Variants in PAPSS1 observed in about 807,000 individuals in gnomAD.
The protein encoded by PAPSS1 is bifunctional 3'-phosphoadenosine 5'-phosphosulfate synthase 1.
In PAPSS1, 50 loss-of-function variants were observed where a neutral mutation model predicts 72.0. The ratio of observed to expected loss-of-function variants is 0.69; its 90% CI spans 0.55 to 0.88. The LOEUF (loss-of-function observed/expected upper bound fraction) is 0.88, where lower values mean the gene tolerates loss of function less well. Ranked by LOEUF, PAPSS1 falls within the 40% of genes least tolerant of loss-of-function variation. PAPSS1 has a pLI of 0.00. For synonymous variants in PAPSS1, 261 were observed against 263.6 expected (o/e 0.99, Z 0.09); for missense variants, 657 against 782.2 (o/e 0.84, Z 1.91).
At chr4:107,647,117 G>A (rs1460740641) in intron 9 of PAPSS1, among the ~76,000 whole-genome samples, 2 of 152,246 alleles carry the variant, frequency 1.3e-5, no homozygotes, top group African/African-American at 4.8e-5. Flanking sequence ...TGAGGGAGTA[G>A]TAAAACTGGC....
rs151169032 is a variant in PAPSS1 at position 107,702,379 on chromosome 4, C to T, written c.61-1094G>A. 5.8e-4 allele frequency among the ~76,000 whole-genome samples: 88 copies of T among 152,308 alleles called. No individual in the cohort carries two copies. In the South Asian group the frequency reaches 8.3e-3, roughly 14 times the overall value. Reference sequence around the variant, plus strand: ...TAAAACTTGTACATACATATGTCCACAGCAGCATTTTCAGAAATACATTGT... The same window carrying T: ...TAAAACTTGTACATACATATGTCCATAGCAGCATTTTCAGAAATACATTGT... On this transcript the variant is annotated intron_variant, in intron 1 of 11. Coordinates refer to ENST00000265174, the MANE Select transcript of PAPSS1 (RefSeq NM_005443.5).
At chr4:107,672,906 T>C (rs935953624) in intron 5 of PAPSS1, among the ~76,000 whole-genome samples, 1 of 152,142 alleles carries the variant, frequency 6.6e-6, no homozygotes, top group Non-Finnish European at 1.5e-5. Flanking sequence ...TGCTCACCAA[T>C]ATCCGCTGTT....
Position 107,614,284 on chromosome 4 carries a change from G to T in PAPSS1, c.1840C>A (p.Leu614Met). The part of the protein sequence containing the change: ...GFMAPKAWTV[L>M]TEYYKSLEKA ...TCCAAGGATTTGTAGTATTCTGTCA[G>T]CACGGTCCAAGCCTTGGGAGCCATG... Residue 614 changes from leucine to methionine, a missense_variant, in exon 12 of 12, where the codon CTG becomes ATG. Around this residue, in one of 7 missense-constraint regions of PAPSS1, gnomAD observed 103 missense variants for 93.8 expected, o/e 1.10. Transcript: ENST00000265174. The T allele has an allele frequency of 6.2e-7, 1 of 1,613,928 alleles. No individual in the cohort carries two copies. Among genetic ancestry groups the T allele is most frequent in the Non-Finnish European group, 8.5e-7 (1 of 1,179,862 alleles).
chr4:107,632,523 G>A (rs1466846370), intron 10 of PAPSS1, among the ~76,000 whole-genome samples: 1 of 144,054 alleles, frequency 6.9e-6, no homozygotes, highest in Non-Finnish European at 1.5e-5. Context: ...AAAAAAAAAA[G>A]ATTGGTTGTG....
At chr4:107,647,214 T>C (rs1726719145) in intron 9 of PAPSS1, among the ~76,000 whole-genome samples, 1 of 152,154 alleles carries the variant, frequency 6.6e-6, no homozygotes, top group South Asian at 2.1e-4. Flanking sequence ...AGGAATATAG[T>C]TCCTTCAACT....
intron 1 of PAPSS1, among the ~76,000 whole-genome samples, chr4:107,707,157 A>G (rs1187795166): frequency 6.6e-6 from 1 of 152,138 alleles, no homozygotes; most frequent in Admixed American, 6.5e-5. Flanking sequence ...GTGGGGCTAC[A>G]GGGAATGGCC....
intron 10 of PAPSS1, 26 bp from the exon 11 acceptor site, chr4:107,631,886 A>G: frequency 2.6e-6 from 4 of 1,526,378 alleles, no homozygotes; most frequent in Non-Finnish European, 2.7e-6. Flanking sequence ...CATTTTAGGT[A>G]ACTTTGCTTT....
intron 1 of PAPSS1, among the ~76,000 whole-genome samples, chr4:107,713,762 A>G (rs942790328): frequency 1.7e-5 from 1 of 58,648 alleles, no homozygotes; most frequent in South Asian, 1.5e-3. Flanking sequence ...GTCTCAAACA[A>G]AAAAAAAAAA....
intron 10 of PAPSS1, among the ~76,000 whole-genome samples, chr4:107,634,890 T>C (rs895949693): frequency 3.5e-4 from 52 of 147,722 alleles, no homozygotes; most frequent in African/African-American, 7.7e-4. Flanking sequence ...CTCCGCCTCC[T>C]GGGTTCACAC....
chr4:107,672,254 G>A (rs1286042512), intron 5 of PAPSS1, among the ~76,000 whole-genome samples: 17 of 152,176 alleles, frequency 1.1e-4, no homozygotes, highest in Admixed American at 1.1e-3. Flanking sequence ...AGCATGAGAT[G>A]AAGCAGGGCG....
intron 5 of PAPSS1, among the ~76,000 whole-genome samples, chr4:107,675,359 C>A (rs2867455): frequency 0.85 from 128,909 of 152,112 alleles, 56,007 homozygotes; most frequent in South Asian, 0.97. Context: ...GGATATCACC[C>A]CCGATCCCAC....
At chr4:107,688,808 A>T (rs1320032086) in intron 3 of PAPSS1, among the ~76,000 whole-genome samples, 3 of 152,194 alleles carry the variant, frequency 2.0e-5, no homozygotes, top group African/African-American at 4.8e-5. Context: ...ACACATGTCC[A>T]AATTCTTCCT....
intron 3 of PAPSS1, among the ~76,000 whole-genome samples, chr4:107,689,084 G>C (rs1454246110): frequency 6.6e-6 from 1 of 152,136 alleles, no homozygotes; most frequent in East Asian, 1.9e-4. Context: ...TCTCTTGTCT[G>C]AACGGCCTCA....
At chr4:107,639,957 A>G (rs2110308299) in intron 10 of PAPSS1, among the ~76,000 whole-genome samples, 1 of 152,328 alleles carries the variant, frequency 6.6e-6, no homozygotes, top group Admixed American at 6.5e-5. Context: ...GTGCATGGGT[A>G]ATTTTCATAG....
intron 5 of PAPSS1, among the ~76,000 whole-genome samples, chr4:107,680,913 C>A (rs1727788479): frequency 6.6e-6 from 1 of 152,026 alleles, no homozygotes; most frequent in South Asian, 2.1e-4. Flanking sequence ...AACATCAGAG[C>A]AGTATCGATT....
chr4:107,666,044 T>C (rs973071040), intron 5 of PAPSS1, among the ~76,000 whole-genome samples: 4 of 152,198 alleles, frequency 2.6e-5, no homozygotes, highest in African/African-American at 7.2e-5. Flanking sequence ...ATGTAACTAT[T>C]AAATTTCTGT....
At chr4:107,644,453 G>A (rs11934943) in intron 10 of PAPSS1, among the ~76,000 whole-genome samples, 27,899 of 152,088 alleles carry the variant, frequency 0.18, 2,983 homozygotes, top group East Asian at 0.37. Context: ...CTCTGGTAAC[G>A]GGACAAGATC....
chr4:107,641,073 G>C (rs1191912672), intron 10 of PAPSS1, among the ~76,000 whole-genome samples: 2 of 152,216 alleles, frequency 1.3e-5, no homozygotes, highest in Admixed American at 6.5e-5. Context: ...CTCCTAGACA[G>C]AACACTAACT....
In PAPSS1 at chr4:107,616,469, T is replaced by A. The variant is rs542247831; in HGVS notation, c.1737-2082A>T. Among the ~76,000 whole-genome samples the A allele has an allele frequency of 7.9e-5, 12 of 152,302 alleles. No homozygotes were observed. The South Asian group carries it at 1.7e-3, about 21-fold the overall frequency. On this transcript the variant is annotated intron_variant, in intron 11 of 11. Coordinates refer to ENST00000265174, the MANE Select transcript of PAPSS1 (RefSeq NM_005443.5). Reference sequence around the variant, plus strand: ...TGCTAGGGACACCAAATATATTCAATAAATATTAACTGACCAGTGATAAGG... The same window carrying A: ...TGCTAGGGACACCAAATATATTCAAAAAATATTAACTGACCAGTGATAAGG...
Sources: gnomAD v4.1 joint callset for allele counts (sites outside exome capture counted in the v4.1 genomes callset) on GRCh38, gnomAD v4.1.1 for gene constraint, gnomAD v4.1.1 regional missense constraint, MANE v1.5 for transcripts, NCBI Gene and HGNC (gene_info 2026-07-23, HGNC 2026-07-21) for gene names.